Variants in CNBD1 observed in about 807,000 individuals in gnomAD.
The protein encoded by CNBD1 is cyclic nucleotide binding domain containing 1.
In CNBD1, 71 loss-of-function variants were observed where a neutral mutation model predicts 54.4. That is an observed-to-expected ratio of 1.30 (90% CI 1.08 to 1.59). The LOEUF (loss-of-function observed/expected upper bound fraction) is 1.59, where lower values mean the gene tolerates loss of function less well. Ranked by LOEUF, CNBD1 falls within the 40% of genes most tolerant of loss-of-function variation. The pLI, the probability that CNBD1 is intolerant of heterozygous loss-of-function variation, is 0.00. For synonymous variants in CNBD1, 182 were observed against 170.7 expected (o/e 1.07, Z -0.51); for missense variants, 659 against 518.0 (o/e 1.27, Z -2.64).
chr8:87,041,887 T>C (rs1810079592), intron 4 of CNBD1, among the ~76,000 whole-genome samples: 1 of 152,132 alleles, frequency 6.6e-6, no homozygotes. Context: ...TGTTACTGGG[T>C]GGACTAGATA....
At chr8:87,002,927 T>C (rs1809022898) in intron 4 of CNBD1, among the ~76,000 whole-genome samples, 1 of 152,182 alleles carries the variant, frequency 6.6e-6, no homozygotes, top group Non-Finnish European at 1.5e-5. Context: ...TAAAAAAATA[T>C]TTATTGACTA....
chr8:87,305,116 C>T (rs573985067), intron 8 of CNBD1, among the ~76,000 whole-genome samples: 1 of 151,980 alleles, frequency 6.6e-6, no homozygotes, highest in Non-Finnish European at 1.5e-5. Flanking sequence ...CCAACAATGA[C>T]TAAGTGAAGA....
intron 8 of CNBD1, among the ~76,000 whole-genome samples, chr8:87,299,444 T>A (rs1014459163): frequency 2.0e-5 from 3 of 152,196 alleles, no homozygotes; most frequent in African/African-American, 7.2e-5. Context: ...GACATATGGT[T>A]AAAAAGCTCC....
chr8:87,154,546 C>G (rs114341986), intron 4 of CNBD1, among the ~76,000 whole-genome samples: 2 of 152,178 alleles, frequency 1.3e-5, no homozygotes, highest in Admixed American at 6.5e-5. Context: ...TCTGGAGACA[C>G]TCTGTGTACT....
At chr8:87,222,283 T>C (rs1302257918) in intron 5 of CNBD1, among the ~76,000 whole-genome samples, 3 of 152,142 alleles carry the variant, frequency 2.0e-5, no homozygotes, top group Non-Finnish European at 4.4e-5. Context: ...TAGGGGATCA[T>C]TAATTAAGCT....
downstream of CNBD1, among the ~76,000 whole-genome samples, chr8:87,383,371 G>A (rs552994580): frequency 1.2e-4 from 18 of 152,106 alleles, no homozygotes; most frequent in African/African-American, 3.6e-4. Context: ...AAAACCGTAC[G>A]TTTATTCAAT....
At chr8:87,351,993 G>T (rs1164249345) in intron 9 of CNBD1, among the ~76,000 whole-genome samples, 199 bp downstream of exon 9, 1 of 152,046 alleles carries the variant, frequency 6.6e-6, no homozygotes, top group Non-Finnish European at 1.5e-5. Flanking sequence ...TGATTTGTAA[G>T]ATATACAAAT....
At chr8:86,943,058 A>G (rs1186449144) in intron 4 of CNBD1, among the ~76,000 whole-genome samples, 1 of 152,030 alleles carries the variant, frequency 6.6e-6, no homozygotes, top group Admixed American at 6.6e-5. Context: ...AAATTAAAAA[A>G]AAAAAAACAT....
In CNBD1 at chr8:86,919,776, G is replaced by C. The variant is rs1257430232; in HGVS notation, c.272+14582G>C. Among the ~76,000 whole-genome samples, 3 of 152,146 alleles carry C rather than the reference G, an allele frequency of 2.0e-5. No homozygotes were observed. The East Asian group carries it at 5.8e-4, about 29-fold the overall frequency. On this transcript the variant is annotated intron_variant, in intron 3 of 10. Coordinates refer to ENST00000518476, the MANE Select transcript of CNBD1 (RefSeq NM_173538.3). ...CAGTCAATGACAGAAAGCTGACTTTGCTGTCAAAGTGACTTTCAATAAACT... is the reference window on the plus strand; with the variant it reads ...CAGTCAATGACAGAAAGCTGACTTTCCTGTCAAAGTGACTTTCAATAAACT...
intron 4 of CNBD1, among the ~76,000 whole-genome samples, chr8:87,131,975 A>T (rs1812126235): frequency 6.6e-6 from 1 of 151,928 alleles, no homozygotes; most frequent in Non-Finnish European, 1.5e-5. Flanking sequence ...TTCTTGTAGG[A>T]TATTTTCACT....
intron 2 of CNBD1, among the ~76,000 whole-genome samples, chr8:87,408,259 C>A (rs1473744317): frequency 6.6e-6 from 1 of 151,858 alleles, no homozygotes; most frequent in African/African-American, 2.4e-5. Context: ...ACATTGTTTT[C>A]TCAGTGTTTT....
chr8:87,110,862 C>T lies in CNBD1; in HGVS notation c.432-95131C>T, dbSNP rs191466208. ...TTCCTAATGGATATGGAAAAGGATG[C>T]ATTTGTCAGATCAATAGCTTCATGT... On this transcript the variant is annotated intron_variant, in intron 4 of 10. Transcript: ENST00000518476. Among the ~76,000 whole-genome samples the T allele has an allele frequency of 1.2e-3, 189 of 152,268 alleles. 1 individual carries two copies. The highest frequency in any genetic ancestry group is 6.8e-3 in the Middle Eastern group (2 of 294).
chr8:87,122,905 T>G, intron 4 of CNBD1, among the ~76,000 whole-genome samples: 1 of 151,992 alleles, frequency 6.6e-6, no homozygotes, highest in East Asian at 1.9e-4. Context: ...CTGTCCTATT[T>G]GACTGATGAT....
intron 8 of CNBD1, among the ~76,000 whole-genome samples, chr8:87,330,504 C>A (rs1269718608): frequency 6.6e-6 from 1 of 151,960 alleles, no homozygotes; most frequent in Non-Finnish European, 1.5e-5. Context: ...ATTAGTTCAA[C>A]ATATTTGAAA....
chr8:87,358,573 A>C (rs1810466174), intron 10 of CNBD1, among the ~76,000 whole-genome samples: 1 of 151,868 alleles, frequency 6.6e-6, no homozygotes, highest in South Asian at 2.1e-4. Context: ...TTCAAAAAAA[A>C]CAGAACCAAT....
chr8:87,276,157 A>C (rs1415799697), intron 6 of CNBD1, among the ~76,000 whole-genome samples: 1 of 151,876 alleles, frequency 6.6e-6, no homozygotes, highest in Non-Finnish European at 1.5e-5. Flanking sequence ...CTTTGTTACT[A>C]ATACATTGAT....
In CNBD1 at chr8:86,939,640, A is replaced by C; in HGVS notation, c.317A>C (p.Asp106Ala). ...GKEESQHQQP[D>A]DSNNIAVHVQ... is the part of the protein sequence containing the mutation. ...GAGGAAAGTCAACATCAACAACCTG[A>C]TGATTCTAACAATATAGCTGTCCAT... is the stretch of plus-strand genomic sequence containing the variant. Residue 106 changes from aspartate (D) to alanine (A), a missense_variant, in exon 4 of 11, where the codon GAT (aspartate) becomes GCT (alanine). Coordinates refer to ENST00000518476, the MANE Select transcript of CNBD1 (RefSeq NM_173538.3). The C allele has an allele frequency of 6.2e-7, 1 of 1,601,342 alleles. No homozygotes were observed. The highest frequency in any genetic ancestry group is 8.5e-7 in the Non-Finnish European group (1 of 1,174,910).
chr8:87,024,076 A>G lies in CNBD1; in HGVS notation c.431+84322A>G, dbSNP rs556977747. On this transcript the variant is annotated intron_variant, in intron 4 of 10. Coordinates refer to ENST00000518476, the MANE Select transcript of CNBD1 (RefSeq NM_173538.3). ...CACGGTGAAACCCCGTCTCTACTAA[A>G]AATTAAAAAAAAATTAGCCTGACCT... Among the ~76,000 whole-genome samples, 182 of 151,488 alleles carry G rather than the reference A, an allele frequency of 1.2e-3. 1 individual carries two copies. The highest frequency in any genetic ancestry group is 4.3e-3 in the African/African-American group (177 of 41,362).
chr8:87,231,791 G>A (rs1807442157), intron 5 of CNBD1, among the ~76,000 whole-genome samples: 1 of 151,970 alleles, frequency 6.6e-6, no homozygotes, highest in Admixed American at 6.6e-5. Context: ...TTTATATACA[G>A]TGATGTGCAT....
Sources: allele counts gnomAD v4.1 joint callset (sites outside exome capture counted in the v4.1 genomes callset), GRCh38; gene constraint gnomAD v4.1.1; transcripts MANE v1.5; gene names NCBI Gene and HGNC (gene_info 2026-07-23, HGNC 2026-07-21).